Variants in SNX30 observed in about 807,000 individuals in gnomAD.
SNX30 encodes sorting nexin family member 30.
SNX30 carries 24 observed loss-of-function variants against 46.4 expected under a neutral mutation model. The ratio of observed to expected loss-of-function variants is 0.52; its 90% CI spans 0.37 to 0.73. SNX30 has a LOEUF of 0.73. SNX30 is among the 30% of genes least tolerant of loss of function. The probability of loss-of-function intolerance (pLI) is 0.00; values close to 1 mark genes in which losing one functional copy is unlikely to be tolerated. For missense variants in SNX30, 533 were observed against 555.7 expected (o/e 0.96, Z 0.41); for synonymous variants, 189 against 211.5 (o/e 0.89, Z 0.92).
intron 4 of SNX30, among the ~76,000 whole-genome samples, chr9:112,832,451 AGAGAGAGAGTGTGTGTGT>A (rs1840675507): frequency 5.4e-5 from 7 of 129,988 alleles, no homozygotes; most frequent in Admixed American, 1.7e-4. Context: ...AGAGAGAGAG[AGAGAGAGAGTGTGTGTGT>A]GTGTGTGTGT....
exon 5 of SNX30, chr9:112,880,009 C>G: frequency 2.0e-6 from 1 of 501,172 alleles, no homozygotes; most frequent in Non-Finnish European, 3.6e-6. Context: ...GCATGTTGAC[C>G]ATTTGCTTCC....
chr9:112,769,923 AT>A (rs1839618616), intron 1 of SNX30, among the ~76,000 whole-genome samples: 1 of 151,808 alleles, frequency 6.6e-6, no homozygotes, highest in African/African-American at 2.4e-5. Context: ...TTTTCATCCC[AT>A]ACCTAAGCCA....
At chr9:112,833,355 G>A (rs1049804012) in intron 4 of SNX30, among the ~76,000 whole-genome samples, 2 of 152,154 alleles carry the variant, frequency 1.3e-5, no homozygotes, top group African/African-American at 4.8e-5. Context: ...AATTAGAAAT[G>A]TCCTTAAGAA....
At chr9:112,832,762 A>G (rs1346244110) in intron 4 of SNX30, among the ~76,000 whole-genome samples, 4 of 149,016 alleles carry the variant, frequency 2.7e-5, no homozygotes, top group Non-Finnish European at 5.9e-5. Context: ...TGTACCCTAA[A>G]ACTTAAAGTA....
At chr9:112,852,961 T>C (rs10733596) in intron 7 of SNX30, among the ~76,000 whole-genome samples, 1 of 151,874 alleles carries the variant, frequency 6.6e-6, no homozygotes, top group African/African-American at 2.4e-5. Context: ...CCTTGGCTTT[T>C]TGTAGTGTCC....
At chr9:112,868,649 A>G in intron 8 of SNX30, 135 bp from the exon 9 acceptor site, 1 of 829,964 alleles carries the variant, frequency 1.2e-6, no homozygotes, top group East Asian at 2.5e-5. Flanking sequence ...ATAGTTATGG[A>G]TGACACATGC....
At chr9:112,865,612 A>T (rs1841312098) in intron 8 of SNX30, among the ~76,000 whole-genome samples, 1 of 111,928 alleles carries the variant, frequency 8.9e-6, no homozygotes, top group Admixed American at 9.7e-5. Context: ...GAGTTTTTTG[A>T]TCCTGTCACG....
At chr9:112,785,448 A>G (rs2131380286) in intron 1 of SNX30, among the ~76,000 whole-genome samples, 1 of 150,020 alleles carries the variant, frequency 6.7e-6, no homozygotes, top group African/African-American at 2.5e-5. Context: ...CAGTGGCACA[A>G]TCTCGGCTCA....
chr9:112,752,445 G>A (rs2051018), intron 1 of SNX30, among the ~76,000 whole-genome samples: 148,210 of 152,202 alleles, frequency 0.97, 72,205 homozygotes, highest in Middle Eastern at 1. Flanking sequence ...TCGAGACCCC[G>A]TTTCCACATA....
intron 6 of SNX30, among the ~76,000 whole-genome samples, chr9:112,846,147 A>G (rs186088812): frequency 2.0e-4 from 30 of 152,344 alleles, no homozygotes; most frequent in African/African-American, 6.7e-4. Context: ...TGGAGAAAAA[A>G]ATATGAAAAT....
At chr9:112,859,393 C>G (rs1841191844) in intron 7 of SNX30, among the ~76,000 whole-genome samples, 2 of 152,164 alleles carry the variant, frequency 1.3e-5, no homozygotes, top group Non-Finnish European at 2.9e-5. Context: ...CTTTGGGCTA[C>G]TGTGAATAAT....
intron 7 of SNX30, among the ~76,000 whole-genome samples, chr9:112,862,324 T>C (rs1288459339): frequency 7.9e-5 from 12 of 152,194 alleles, no homozygotes; most frequent in Non-Finnish European, 1.8e-4. Context: ...AGAAGTTTCG[T>C]TAAGCAAACA....
intron 3 of SNX30, among the ~76,000 whole-genome samples, chr9:112,826,588 A>G (rs1276692865): frequency 6.6e-6 from 1 of 152,184 alleles, no homozygotes; most frequent in Admixed American, 6.5e-5. Flanking sequence ...AAGGACACAG[A>G]TGGAATGCTT....
At chr9:112,786,900 G>GT (rs1327726053) in intron 1 of SNX30, among the ~76,000 whole-genome samples, 2 of 152,106 alleles carry the variant, frequency 1.3e-5, no homozygotes, top group Non-Finnish European at 2.9e-5. Flanking sequence ...CCCTCTTCCT[G>GT]TTTTTTCTCT....
At chr9:112,834,818 C>T (rs564646430) in intron 4 of SNX30, among the ~76,000 whole-genome samples, 3 of 134,128 alleles carry the variant, frequency 2.2e-5, no homozygotes, top group African/African-American at 3.1e-5. Flanking sequence ...AGCCAGGAAC[C>T]GTGGATTAAA....
intron 4 of SNX30, among the ~76,000 whole-genome samples, chr9:112,834,715 G>C (rs980624369): frequency 5.3e-5 from 8 of 152,128 alleles, no homozygotes; most frequent in Admixed American, 5.2e-4. Flanking sequence ...GGTGAAAGGA[G>C]GGCAGGGGAA....
chr9:112,844,288 G>A (rs1048417738), intron 6 of SNX30, among the ~76,000 whole-genome samples: 1 of 152,218 alleles, frequency 6.6e-6, no homozygotes, highest in Non-Finnish European at 1.5e-5. Flanking sequence ...GGAGGAACAG[G>A]TGGAGCAGTT....
chr9:112,756,435 CTTTTTTTT>C (rs61338659), intron 1 of SNX30, among the ~76,000 whole-genome samples: 2 of 67,404 alleles, frequency 3.0e-5, no homozygotes, highest in Non-Finnish European at 5.0e-5. Context: ...TGTAATCATC[CTTTTTTTT>C]TTTTTTTTTT....
intron 1 of SNX30, among the ~76,000 whole-genome samples, chr9:112,777,971 C>A (rs1453341456): frequency 6.6e-6 from 1 of 152,108 alleles, no homozygotes; most frequent in Non-Finnish European, 1.5e-5. Flanking sequence ...GTTGACTACC[C>A]TCAAGTATGT....
Sources: allele counts gnomAD v4.1 joint callset (sites outside exome capture counted in the v4.1 genomes callset), GRCh38; gene constraint gnomAD v4.1.1; transcripts MANE v1.5; gene names NCBI Gene and HGNC (gene_info 2026-07-23, HGNC 2026-07-21).